Variants in MAGI2 observed in about 807,000 individuals in gnomAD.
The protein encoded by MAGI2 is membrane-associated guanylate kinase, WW and PDZ domain-containing protein 2.
Under a neutral mutation model 133.3 loss-of-function variants are expected in MAGI2, and 35 were observed. The observed-to-expected ratio is 0.26, with a 90% CI of 0.20 to 0.35. The LOEUF (loss-of-function observed/expected upper bound fraction) is 0.35. Among genes scored for constraint, MAGI2 ranks in the 10% least tolerant of loss-of-function variants. The pLI is 1.00. For missense variants in MAGI2, 1,636 were observed against 1,863.4 expected (o/e 0.88, Z 2.25); for synonymous variants, 729 against 710.6 (o/e 1.03, Z -0.41).
intron 12 of MAGI2, among the ~76,000 whole-genome samples, chr7:78,193,752 A>T (rs1828453585): frequency 4.5e-5 from 2 of 44,270 alleles, no homozygotes; most frequent in Admixed American, 4.4e-4. Context: ...GCTTCTTTAA[A>T]AAAAAAAAGT....
intron 21 of MAGI2, among the ~76,000 whole-genome samples, chr7:78,077,788 G>A (rs549798115): frequency 7.5e-6 from 1 of 132,754 alleles, no homozygotes; most frequent in Admixed American, 8.1e-5. Context: ...GGAGTGTAAT[G>A]GTGTGGTCTC....
chr7:78,173,980 A>G (rs1384705324), intron 14 of MAGI2, among the ~76,000 whole-genome samples: 1 of 152,186 alleles, frequency 6.6e-6, no homozygotes, highest in Non-Finnish European at 1.5e-5. Context: ...ATTGTAAAAT[A>G]CTGGGGGAAC....
chr7:79,436,214 G>A (rs1247688724), intron 1 of MAGI2, among the ~76,000 whole-genome samples: 5 of 127,490 alleles, frequency 3.9e-5, no homozygotes, highest in African/African-American at 1.3e-4. Context: ...GACAGAGCAA[G>A]ACTTCACCTC....
At chr7:78,627,090 A>G in intron 3 of MAGI2, 30 bp downstream of exon 3, 1 of 1,550,654 alleles carries the variant, frequency 6.4e-7, no homozygotes, top group East Asian at 2.4e-5. Flanking sequence ...GATGCCAACA[A>G]GAAAGATTTC....
At chr7:78,097,942 G>C (rs1383497430) in intron 20 of MAGI2, among the ~76,000 whole-genome samples, 2 of 152,094 alleles carry the variant, frequency 1.3e-5, no homozygotes, top group East Asian at 3.8e-4. Flanking sequence ...TAGCTCACAT[G>C]ACTTTTTAAG....
Position 78,682,489 on chromosome 7 carries a change from C to T in MAGI2, c.419-55250G>A, listed in dbSNP as rs557600634. On this transcript the variant is annotated intron_variant, in intron 2 of 21. Transcript: ENST00000354212. ...ACATGCGGTGTTTTGTTTCCTGTTC[C>T]TGTGTTTGCTGAGAATTATGGTTTC... 5.3e-5 allele frequency among the ~76,000 whole-genome samples: 8 copies of T among 152,198 alleles called. No homozygotes were observed. The South Asian group carries it at 1.5e-3, about 28-fold the overall frequency.
intron 1 of MAGI2, among the ~76,000 whole-genome samples, chr7:79,151,993 A>C (rs1176027962): frequency 6.6e-6 from 1 of 152,180 alleles, no homozygotes; most frequent in African/African-American, 2.4e-5. Flanking sequence ...GGATGATGGG[A>C]GACAATCAAA....
rs1488328369 is a variant in MAGI2 at position 78,714,546 on chromosome 7, G to T, written c.419-87307C>A. Among the ~76,000 whole-genome samples, 5 of 152,162 alleles carry T rather than the reference G, an allele frequency of 3.3e-5. No homozygotes were observed. The East Asian group carries it at 7.7e-4, about 23-fold the overall frequency. Reference sequence around the variant, plus strand: ...AACAACGAGGCATTGGAAATCTAATGAGCAATTCAAATTTATTGAGCTAGT... The same window carrying T: ...AACAACGAGGCATTGGAAATCTAATTAGCAATTCAAATTTATTGAGCTAGT... On this transcript the variant is annotated intron_variant, in intron 2 of 21. Coordinates refer to ENST00000354212, the MANE Select transcript of MAGI2 (RefSeq NM_012301.4).
At chr7:79,089,517 C>A (rs1241119213) in intron 1 of MAGI2, among the ~76,000 whole-genome samples, 1 of 151,924 alleles carries the variant, frequency 6.6e-6, no homozygotes, top group Non-Finnish European at 1.5e-5. Flanking sequence ...ATCTTTATTG[C>A]AGCACTGTTT....
At chr7:78,326,938 CTCTT>C (rs1194605018) in intron 9 of MAGI2, among the ~76,000 whole-genome samples, 2 of 152,132 alleles carry the variant, frequency 1.3e-5, no homozygotes, top group Non-Finnish European at 2.9e-5. Flanking sequence ...TTCTCTCTCT[CTCTT>C]TAACTGGTTG....
chr7:78,467,109 G>A (rs1276926968), intron 6 of MAGI2, among the ~76,000 whole-genome samples: 2 of 152,158 alleles, frequency 1.3e-5, no homozygotes, highest in African/African-American at 4.8e-5. Flanking sequence ...AAGGGACAGC[G>A]AGGAGATGCA....
chr7:79,226,731 T>C (rs181298860), intron 1 of MAGI2, among the ~76,000 whole-genome samples: 107 of 152,230 alleles, frequency 7.0e-4, no homozygotes, highest in African/African-American at 2.4e-3. Context: ...TCACGCCCAA[T>C]CTACTCCTAG....
intron 2 of MAGI2, among the ~76,000 whole-genome samples, chr7:78,665,578 G>T (rs1426662235): frequency 6.6e-6 from 1 of 152,104 alleles, no homozygotes; most frequent in Non-Finnish European, 1.5e-5. Context: ...GGTTGATTTG[G>T]ATTATTACTT....
At position 78,160,147 on chromosome 7, in the gene MAGI2, G is replaced by A. The variant is rs150080418; in HGVS notation, c.2723C>T (p.Pro908Leu). The change falls in exon 16 of 22, where the codon CCT (proline) becomes CTT (leucine). Residue 908 changes from proline (P) to leucine (L), a missense_variant. By Grantham distance (98) the Pro-to-Leu change is moderately conservative (BLOSUM62 -3). Around this residue, in one of 5 missense-constraint regions of MAGI2, gnomAD observed 920 missense variants for 1,093.5 expected, o/e 0.84. Transcript: ENST00000354212. ...CAGGCTGTGGGAGGCGAAGCCTTCA[G>A]GGGGAGAGGCATTGCTACTGGGGGC... ...HAAPSSNASP[P>L]EGFASHSLQT... 2.0e-5 allele frequency: 33 copies of A among 1,612,720 alleles called. No individual in the cohort carries two copies. The highest frequency in any genetic ancestry group is 2.6e-5 in the Non-Finnish European group (31 of 1,179,416).
intron 1 of MAGI2, among the ~76,000 whole-genome samples, chr7:79,011,850 G>A (rs1422390665): frequency 1.3e-5 from 2 of 151,208 alleles, no homozygotes; most frequent in African/African-American, 2.4e-5. Context: ...CTTGTACCAC[G>A]TTCTTTTGGT....
chr7:79,058,423 A>G (rs1813369193), intron 1 of MAGI2, among the ~76,000 whole-genome samples: 3 of 152,118 alleles, frequency 2.0e-5, no homozygotes, highest in Admixed American at 2.0e-4. Flanking sequence ...AAAACATTTT[A>G]TGGAAGAACA....
chr7:78,707,790 A>G (rs1428677344), intron 2 of MAGI2, among the ~76,000 whole-genome samples: 3 of 152,036 alleles, frequency 2.0e-5, no homozygotes, highest in South Asian at 2.1e-4. Flanking sequence ...TTTCATTACT[A>G]TTTGGCAAAA....
At chr7:78,534,380 G>A (rs1242246222) in intron 3 of MAGI2, among the ~76,000 whole-genome samples, 1 of 152,172 alleles carries the variant, frequency 6.6e-6, no homozygotes, top group African/African-American at 2.4e-5. Context: ...AAATAAAATT[G>A]CTCCAATGTT....
chr7:78,414,817 T>C (rs952460461), intron 6 of MAGI2, among the ~76,000 whole-genome samples: 1 of 152,100 alleles, frequency 6.6e-6, no homozygotes, highest in Non-Finnish European at 1.5e-5. Context: ...ACTAACCTTG[T>C]TTAAATATGC....
Sources: gnomAD v4.1 joint callset for allele counts (sites outside exome capture counted in the v4.1 genomes callset) on GRCh38, gnomAD v4.1.1 for gene constraint, gnomAD v4.1.1 regional missense constraint, MANE v1.5 for transcripts, NCBI Gene and HGNC (gene_info 2026-07-23, HGNC 2026-07-21) for gene names.